CPAMD8: variants seen among roughly 807,000 people sequenced by gnomAD.
CPAMD8 encodes the protein C3 and PZP like alpha-2-macroglobulin domain containing 8, also known as C3 and PZP-like alpha-2-macroglobulin domain-containing protein 8.
A neutral mutation model predicts 224.7 loss-of-function variants in CPAMD8; 146 were observed. That is an observed-to-expected ratio of 0.65 (90% CI 0.57 to 0.75). The LOEUF (loss-of-function observed/expected upper bound fraction) is 0.75, where lower values mean the gene tolerates loss of function less well. Among genes scored for constraint, CPAMD8 ranks in the 30% least tolerant of loss-of-function variants. The pLI is 0.00. For synonymous variants in CPAMD8, 966 were observed against 1,044.6 expected (o/e 0.92, Z 1.45); for missense variants, 2,301 against 2,537.5 (o/e 0.91, Z 2.00).
chr19:16,942,550 A>G (rs1467758117), intron 22 of CPAMD8, among the ~76,000 whole-genome samples: 1 of 152,214 alleles, frequency 6.6e-6, no homozygotes, highest in Non-Finnish European at 1.5e-5. Context: ...AACTAATACA[A>G]CAAGGATGCA....
intron 3 of CPAMD8, 152 bp from the exon 4 acceptor site, chr19:17,011,909 G>T: frequency 1.2e-6 from 1 of 850,750 alleles, no homozygotes; most frequent in Non-Finnish European, 1.8e-6. Context: ...GAGATGTTTT[G>T]GGGTGTCATA....
intron 29 of CPAMD8, 94 bp from the exon 30 acceptor site, chr19:16,907,211 TGGGTGACTCCTA>T: frequency 7.2e-7 from 1 of 1,395,510 alleles, no homozygotes; most frequent in Non-Finnish European, 9.3e-7. Flanking sequence ...AGGAGAGCTC[TGGGTGACTCCTA>T]GCCCCTTGCT....
rs1011679578 is a variant in CPAMD8 at position 17,011,620 on chromosome 19, G to A, written c.405C>T (p.Asp135=). Residue 135 remains aspartate (D), a synonymous_variant, in exon 4 of 42, where the codon GAC becomes GAT. Transcript: ENST00000443236. Reference sequence around the variant, plus strand: ...GGTGCTGGGGTCTGTACACAGGCTTGTCCGTCTGGATGAATACAGAAGCGC... The same window carrying A: ...GGTGCTGGGGTCTGTACACAGGCTTATCCGTCTGGATGAATACAGAAGCGC... The part of the protein sequence containing the change: ...GRGASVFIQT[D]KPVYRPQHRV... 18 of 1,614,212 alleles carry A rather than the reference G, an allele frequency of 1.1e-5. No individual in the cohort carries two copies. The highest frequency in any genetic ancestry group is 1.4e-5 in the Non-Finnish European group (17 of 1,180,038).
At chr19:16,893,381 T>C in intron 41 of CPAMD8, 42 bp from the exon 42 acceptor site, 1 of 1,358,394 alleles carries the variant, frequency 7.4e-7, no homozygotes. Flanking sequence ...CTACAGCAAG[T>C]GGGCACGGGG....
intron 17 of CPAMD8, among the ~76,000 whole-genome samples, chr19:16,971,509 T>G (rs1042275438): frequency 1.1e-4 from 17 of 152,216 alleles, no homozygotes; most frequent in African/African-American, 3.9e-4. Flanking sequence ...TGTTGTATGA[T>G]TCCGTTGAGA....
chr19:17,022,489 A>G (rs1470753406), intron 1 of CPAMD8, among the ~76,000 whole-genome samples: 2 of 148,004 alleles, frequency 1.4e-5, no homozygotes, highest in East Asian at 2.0e-4. Context: ...CTTCTGCCCC[A>G]GGACCTTTTT....
At chr19:16,982,814 C>T (rs1249607422) in intron 13 of CPAMD8, among the ~76,000 whole-genome samples, 3 of 152,078 alleles carry the variant, frequency 2.0e-5, no homozygotes, top group South Asian at 4.1e-4. Flanking sequence ...CCTCCAGCCT[C>T]GGGTGCTATG....
At chr19:17,005,801 A>G (rs1038794713) in intron 7 of CPAMD8, among the ~76,000 whole-genome samples, 7 of 151,920 alleles carry the variant, frequency 4.6e-5, no homozygotes, top group Admixed American at 3.3e-4. Flanking sequence ...TTTCCCCCTC[A>G]TATTCAGGCA....
intron 2 of CPAMD8, among the ~76,000 whole-genome samples, chr19:17,021,130 C>G (rs1205158729): frequency 6.6e-6 from 1 of 152,188 alleles, no homozygotes; most frequent in African/African-American, 2.4e-5. Context: ...AATCCTGGGA[C>G]TTTATCCAGC....
intron 36 of CPAMD8, 135 bp downstream of exon 36, chr19:16,901,075 G>A (rs920793482): frequency 2.3e-5 from 14 of 598,546 alleles, no homozygotes; most frequent in African/African-American, 3.8e-5. Context: ...GGGAGGGGGA[G>A]AGGGAGAGGG....
chr19:16,919,402 GCCT>G (rs113496119), intron 27 of CPAMD8, among the ~76,000 whole-genome samples: 1,593 of 152,250 alleles, frequency 0.01, 30 homozygotes, highest in African/African-American at 0.036. Flanking sequence ...AGCAACTGAG[GCCT>G]CCTGCCAACA....
intron 9 of CPAMD8, among the ~76,000 whole-genome samples, chr19:17,001,597 C>T (rs571137039): frequency 6.6e-6 from 1 of 151,972 alleles, no homozygotes; most frequent in East Asian, 1.9e-4. Context: ...CAGGGGCGTG[C>T]TCATAGGGGT....
chr19:16,993,128 G>T (rs986097208), intron 12 of CPAMD8, among the ~76,000 whole-genome samples: 5 of 152,026 alleles, frequency 3.3e-5, no homozygotes, highest in Admixed American at 2.6e-4. Context: ...TGTTCCACCC[G>T]CCCAGAAGCA....
intron 7 of CPAMD8, among the ~76,000 whole-genome samples, chr19:17,004,821 C>T (rs1244175539): frequency 1.3e-5 from 2 of 152,160 alleles, no homozygotes; most frequent in African/African-American, 4.8e-5. Context: ...AGCAGCACCC[C>T]TGGCCTCCAC....
At chr19:16,946,976 T>C (rs2054122873) in intron 21 of CPAMD8, 98 bp downstream of exon 21, 2 of 1,301,084 alleles carry the variant, frequency 1.5e-6, no homozygotes, top group Non-Finnish European at 1.1e-6. Context: ...TGACCTTACC[T>C]GCTGCCCCAT....
intron 19 of CPAMD8, among the ~76,000 whole-genome samples, chr19:16,954,480 A>T (rs562205370): frequency 1.3e-5 from 2 of 152,182 alleles, no homozygotes; most frequent in Non-Finnish European, 2.9e-5. Context: ...TAAAAAATTA[A>T]ACATAAAATT....
At position 16,896,509 on chromosome 19, in the gene CPAMD8, G is replaced by A. The variant is rs1167833934; in HGVS notation, c.5222C>T (p.Ala1741Val). The change falls in exon 40 of 42, where the codon GCC becomes GTC. Residue 1741 changes from alanine (A) to valine (V), a missense_variant. Ala to Val is a moderately conservative substitution (Grantham distance 64, BLOSUM62 0). Transcript: ENST00000443236. ...YASACRLREA[A>V]CRQAAPLEPA... ...CTCCAGGGGCGCGGCCTGGCGGCAG[G>A]CGGCCTCCCGCAGGCGGCAGGCGCT... 13 of 1,428,970 alleles carry A rather than the reference G, an allele frequency of 9.1e-6. No individual in the cohort carries two copies. The highest frequency in any genetic ancestry group is 1.2e-5 in the Non-Finnish European group (13 of 1,103,076). The allele number at this position is 1,428,970 out of a possible 1,614,324, so 88.5% of individuals were successfully genotyped here. A position where few individuals can be genotyped will look rare whatever the true frequency, so the allele number is the denominator to read the frequency against.
chr19:16,990,512 T>A (rs569085700), intron 12 of CPAMD8, among the ~76,000 whole-genome samples: 2 of 152,020 alleles, frequency 1.3e-5, no homozygotes, highest in South Asian at 4.1e-4. Flanking sequence ...TTAGCTATGA[T>A]CACACCATTG....
At chr19:16,969,650 C>G (rs2054978644) in intron 18 of CPAMD8, among the ~76,000 whole-genome samples, 1 of 151,606 alleles carries the variant, frequency 6.6e-6, no homozygotes, top group Non-Finnish European at 1.5e-5. Flanking sequence ...GAGGCCACAG[C>G]AGGCAAATCA....
Sources: gnomAD v4.1 joint callset for allele counts (sites outside exome capture counted in the v4.1 genomes callset) on GRCh38, gnomAD v4.1.1 for gene constraint, MANE v1.5 for transcripts, NCBI Gene and HGNC (gene_info 2026-07-23, HGNC 2026-07-21) for gene names.